Variants in COMMD7 observed in about 807,000 individuals in gnomAD.
COMMD7 encodes COMM domain-containing protein 7.
Under a neutral mutation model 34.8 loss-of-function variants are expected in COMMD7, and 28 were observed. The ratio of observed to expected loss-of-function variants is 0.80; its 90% CI spans 0.60 to 1.10. The LOEUF is 1.10. COMMD7 is among the 50% of genes least tolerant of loss of function. The pLI is 0.00. For synonymous variants in COMMD7, 80 were observed against 86.4 expected, an observed-to-expected ratio of 0.93 and a Z score of 0.41; for missense variants, 211 against 241.6, an observed-to-expected ratio of 0.87 and a Z score of 0.84.
intron 3 of COMMD7, among the ~76,000 whole-genome samples, chr20:32,707,532 C>CTGGT (rs1984172677): frequency 6.6e-6 from 1 of 151,828 alleles, no homozygotes; most frequent in South Asian, 2.1e-4. Flanking sequence ...GTTGACCAGG[C>CTGGT]TGGTCTTGAA....
intron 1 of COMMD7, among the ~76,000 whole-genome samples, chr20:32,735,832 T>A (rs1278546364): frequency 6.6e-6 from 1 of 152,160 alleles, no homozygotes; most frequent in Non-Finnish European, 1.5e-5. Flanking sequence ...GATATCTTTG[T>A]ATACTGTTTG....
intron 3 of COMMD7, among the ~76,000 whole-genome samples, chr20:32,707,333 T>A (rs1232749266): frequency 3.0e-5 from 4 of 133,852 alleles, no homozygotes; most frequent in Non-Finnish European, 6.2e-5. Flanking sequence ...ATATATATAT[T>A]TTTTGAGACG....
At chr20:32,721,889 G>A (rs1221528481) in intron 3 of COMMD7, among the ~76,000 whole-genome samples, 5 of 107,020 alleles carry the variant, frequency 4.7e-5, no homozygotes, top group South Asian at 3.5e-4. Flanking sequence ...AGAGCAAGAC[G>A]TTGTCTCAAA....
chr20:32,705,367 TATATATATA>T (rs1245504295), intron 5 of COMMD7, among the ~76,000 whole-genome samples: 7 of 95,070 alleles, frequency 7.4e-5, no homozygotes, highest in African/African-American at 2.2e-4. Flanking sequence ...TGTATATATA[TATATATATA>T]TTTTTTTTTT....
At chr20:32,741,925 C>T (rs1986466314) in intron 1 of COMMD7, among the ~76,000 whole-genome samples, 2 of 152,116 alleles carry the variant, frequency 1.3e-5, no homozygotes, top group South Asian at 2.1e-4. Flanking sequence ...CAGTGGCTCA[C>T]GCCTGTAATC....
intron 5 of COMMD7, among the ~76,000 whole-genome samples, chr20:32,705,404 C>T (rs187155301): frequency 2.7e-5 from 4 of 147,852 alleles, no homozygotes; most frequent in African/African-American, 7.6e-5. Context: ...GATGGAGTCT[C>T]GCTCTGTTGC....
chr20:32,713,529 G>A (rs1984594437), intron 3 of COMMD7, among the ~76,000 whole-genome samples: 1 of 152,216 alleles, frequency 6.6e-6, no homozygotes, highest in Non-Finnish European at 1.5e-5. Flanking sequence ...AATGGACACA[G>A]GCTTGGTGAA....
In COMMD7 at chr20:32,703,029, T is replaced by G; in HGVS notation, c.*353A>C. The stretch of plus-strand genomic sequence containing the variant: ...CTTTTTGGGAGGAGGGTGATCAGCA[T>G]GTTATCTTGAATGATGGCACCATTT... On this transcript the variant is annotated 3_prime_UTR_variant, in exon 9 of 9. Coordinates refer to ENST00000278980, the MANE Select transcript of COMMD7 (RefSeq NM_053041.3). 1 of 197,632 alleles carries G rather than the reference T, an allele frequency of 5.1e-6. No homozygotes were observed. Among genetic ancestry groups the G allele is most frequent in the Non-Finnish European group, 1.0e-5 (1 of 96,730 alleles). The allele number at this position is 197,632 out of a possible 1,614,324, so 12.2% of individuals were successfully genotyped here.
intron 1 of COMMD7, among the ~76,000 whole-genome samples, chr20:32,735,369 G>C (rs1469959330): frequency 6.6e-6 from 1 of 151,946 alleles, no homozygotes; most frequent in Non-Finnish European, 1.5e-5. Flanking sequence ...CCAGGCTGGA[G>C]TGCAGTGGTG....
At chr20:32,725,159 TGGG>T in intron 3 of COMMD7, among the ~76,000 whole-genome samples, 1 of 151,878 alleles carries the variant, frequency 6.6e-6, no homozygotes, top group Admixed American at 6.6e-5. Flanking sequence ...ATTCAGTCTA[TGGG>T]ATATTATATC....
intron 1 of COMMD7, among the ~76,000 whole-genome samples, chr20:32,732,836 T>C (rs1171108731): frequency 1.3e-5 from 2 of 151,456 alleles, no homozygotes; most frequent in South Asian, 2.1e-4. Context: ...CTCGGGAGGC[T>C]GAGGCAGGAG....
Position 32,725,974 on chromosome 20 carries a change from G to A in COMMD7, c.241+1919C>T, listed in dbSNP as rs550438012. Among the ~76,000 whole-genome samples, 18 of 148,828 alleles carry A rather than the reference G, an allele frequency of 1.2e-4. 1 individual carries two copies. The East Asian group carries it at 3.4e-3, about 28-fold the overall frequency. ...GCTACTCCGGAGGCTGATACGGGAG[G>A]ATCACTTAAGCCCGGGAGGCGGAGG... On this transcript the variant is annotated intron_variant, in intron 3 of 8. Transcript: ENST00000278980.
At chr20:32,710,728 CAAAAA>C (rs34067876) in intron 3 of COMMD7, among the ~76,000 whole-genome samples, 1 of 94,598 alleles carries the variant, frequency 1.1e-5, no homozygotes. Flanking sequence ...GACCTCATCT[CAAAAA>C]AAAAAAAAAA....
chr20:32,717,929 G>GA (rs1012746265), intron 3 of COMMD7, among the ~76,000 whole-genome samples: 264 of 141,600 alleles, frequency 1.9e-3, no homozygotes, highest in Non-Finnish European at 3.1e-3. Flanking sequence ...GACCAAAAAA[G>GA]AAAAAAAAAA....
intron 1 of COMMD7, among the ~76,000 whole-genome samples, chr20:32,735,925 A>C (rs866170066): frequency 1.3e-5 from 2 of 152,182 alleles, no homozygotes; most frequent in Middle Eastern, 3.4e-3. Context: ...TATTTTTCTG[A>C]GTTTACTCTC....
intron 3 of COMMD7, among the ~76,000 whole-genome samples, chr20:32,720,762 T>C (rs1224990222): frequency 6.6e-6 from 1 of 152,086 alleles, no homozygotes; most frequent in Non-Finnish European, 1.5e-5. Flanking sequence ...GCTATGAGAA[T>C]CAGTCTGGGT....
chr20:32,720,188 T>C (rs891092110), intron 3 of COMMD7, among the ~76,000 whole-genome samples: 2 of 152,196 alleles, frequency 1.3e-5, no homozygotes, highest in African/African-American at 4.8e-5. Flanking sequence ...ATTTTCTCTG[T>C]ATCTATAGAA....
intron 3 of COMMD7, among the ~76,000 whole-genome samples, chr20:32,715,159 C>T (rs576932769): frequency 2.6e-5 from 4 of 151,518 alleles, no homozygotes; most frequent in Admixed American, 6.6e-5. Context: ...CACAGCCAGA[C>T]CTAGTCTCAA....
At chr20:32,718,418 G>A (rs75376906) in intron 3 of COMMD7, among the ~76,000 whole-genome samples, 12 of 150,662 alleles carry the variant, frequency 8.0e-5, no homozygotes, top group Non-Finnish European at 1.3e-4. Context: ...AAAAAGGGGG[G>A]CCGGACGCAG....
Sources: allele counts gnomAD v4.1 joint callset (sites outside exome capture counted in the v4.1 genomes callset), GRCh38; gene constraint gnomAD v4.1.1; transcripts MANE v1.5; gene names NCBI Gene and HGNC (gene_info 2026-07-23, HGNC 2026-07-21).